MDGA2: variants seen among roughly 807,000 people sequenced by gnomAD.
MDGA2 encodes MAM domain containing glycosylphosphatidylinositol anchor 2, also known as MAM domain-containing glycosylphosphatidylinositol anchor protein 2.
MDGA2 carries 40 observed loss-of-function variants against 117.8 expected under a neutral mutation model. That is an observed-to-expected ratio of 0.34 (90% confidence interval 0.26 to 0.44). The LOEUF (loss-of-function observed/expected upper bound fraction) is 0.44. MDGA2 is among the 20% of genes least tolerant of loss of function. MDGA2 has a pLI of 1.00. For missense variants in MDGA2, 1,123 were observed against 1,250.6 expected, an observed-to-expected ratio of 0.90 and a Z score of 1.54; for synonymous variants, 452 against 439.0, an observed-to-expected ratio of 1.03 and a Z score of -0.37.
intron 1 of MDGA2, among the ~76,000 whole-genome samples, chr14:47,354,351 CTTG>C (rs1239852545): frequency 6.6e-6 from 1 of 152,100 alleles, no homozygotes; most frequent in Non-Finnish European, 1.5e-5. Context: ...ACATTGAGTT[CTTG>C]TTGTTTCAAA....
chr14:47,549,887 T>C (rs1409380432), intron 1 of MDGA2, among the ~76,000 whole-genome samples: 1 of 152,188 alleles, frequency 6.6e-6, no homozygotes, highest in African/African-American at 2.4e-5. Context: ...TGCACCCTGA[T>C]CTGCGACTTC....
chr14:47,111,849 T>C (rs1341706687), intron 5 of MDGA2, among the ~76,000 whole-genome samples: 1 of 152,118 alleles, frequency 6.6e-6, no homozygotes, highest in Non-Finnish European at 1.5e-5. Flanking sequence ...GTTTCAACTA[T>C]CACCCCAAAA....
chr14:47,292,764 T>C (rs144997251), intron 2 of MDGA2, among the ~76,000 whole-genome samples: 1 of 152,276 alleles, frequency 6.6e-6, no homozygotes, highest in East Asian at 1.9e-4. Flanking sequence ...TGATCTTCCA[T>C]TATAGCGGAA....
intron 2 of MDGA2, among the ~76,000 whole-genome samples, chr14:47,271,194 A>G (rs963225677): frequency 2.6e-5 from 4 of 152,156 alleles, no homozygotes; most frequent in African/African-American, 4.8e-5. Context: ...CTGCCTTTGC[A>G]TTAGTGCTGC....
At chr14:47,547,013 TA>T (rs1295437502) in intron 1 of MDGA2, among the ~76,000 whole-genome samples, 4 of 152,082 alleles carry the variant, frequency 2.6e-5, no homozygotes, top group Non-Finnish European at 5.9e-5. Flanking sequence ...AGTTGTTTTT[TA>T]AAAAAAATTA....
intron 1 of MDGA2, among the ~76,000 whole-genome samples, chr14:47,339,157 G>C (rs746316148): frequency 1.3e-4 from 20 of 151,984 alleles, no homozygotes; most frequent in Non-Finnish European, 2.6e-4. Flanking sequence ...CAAAGTACAA[G>C]GGTGTGTATG....
At chr14:47,075,379 C>A (rs927162809) in intron 6 of MDGA2, among the ~76,000 whole-genome samples, 13 of 152,170 alleles carry the variant, frequency 8.5e-5, no homozygotes, top group Non-Finnish European at 1.9e-4. Context: ...ATGGAAGATA[C>A]AACACCTGTA....
chr14:47,054,551 T>G (rs1415872090), intron 7 of MDGA2, among the ~76,000 whole-genome samples: 1 of 148,070 alleles, frequency 6.8e-6, no homozygotes, highest in Non-Finnish European at 1.5e-5. Context: ...CACCTATGAG[T>G]GAGAACATGA....
chr14:47,404,965 A>C (rs996284263), intron 1 of MDGA2, among the ~76,000 whole-genome samples: 2 of 152,180 alleles, frequency 1.3e-5, no homozygotes, highest in Non-Finnish European at 2.9e-5. Context: ...AATGATGAAA[A>C]ACTGCAGCTC....
intron 1 of MDGA2, among the ~76,000 whole-genome samples, chr14:47,553,961 ATTTTCGTCTGGG>A (rs1895636161): frequency 6.6e-6 from 1 of 152,068 alleles, no homozygotes; most frequent in Non-Finnish European, 1.5e-5. Flanking sequence ...AGTTCTATGT[ATTTTCGTCTGGG>A]TTTTGTTGTT....
At chr14:47,111,417 T>C (rs745751385) in intron 5 of MDGA2, among the ~76,000 whole-genome samples, 2 of 152,126 alleles carry the variant, frequency 1.3e-5, no homozygotes, top group Non-Finnish European at 2.9e-5. Context: ...GGAATAGCAT[T>C]GATGCCATCT....
At chr14:47,491,275 T>C (rs1403279850) in intron 1 of MDGA2, among the ~76,000 whole-genome samples, 1 of 152,082 alleles carries the variant, frequency 6.6e-6, no homozygotes, top group Non-Finnish European at 1.5e-5. Context: ...AGAGCACAAC[T>C]GGCCCTAAAA....
intron 1 of MDGA2, among the ~76,000 whole-genome samples, chr14:47,642,272 T>A (rs569708579): frequency 2.0e-5 from 3 of 152,118 alleles, no homozygotes; most frequent in Non-Finnish European, 2.9e-5. Flanking sequence ...TGGACTCTTA[T>A]GAGAATTAAC....
chr14:47,419,070 T>C (rs1450409877), intron 1 of MDGA2, among the ~76,000 whole-genome samples: 2 of 152,190 alleles, frequency 1.3e-5, no homozygotes, highest in African/African-American at 4.8e-5. Context: ...AGCACAACTC[T>C]GAGCAAGTCA....
chr14:46,964,343 T>C (rs980786899), intron 8 of MDGA2, among the ~76,000 whole-genome samples: 4 of 152,178 alleles, frequency 2.6e-5, no homozygotes, highest in African/African-American at 9.7e-5. Context: ...ATTGGAGTAG[T>C]TTGTTACATA....
At chr14:47,439,893 T>C (rs1836949436) in intron 1 of MDGA2, among the ~76,000 whole-genome samples, 1 of 151,948 alleles carries the variant, frequency 6.6e-6, no homozygotes, top group African/African-American at 2.4e-5. Flanking sequence ...GTTTCCACAA[T>C]TGTTGGTGCA....
At chr14:47,174,306 C>T (rs1171544224) in intron 3 of MDGA2, among the ~76,000 whole-genome samples, 1 of 152,192 alleles carries the variant, frequency 6.6e-6, no homozygotes, top group Non-Finnish European at 1.5e-5. Flanking sequence ...ACCTAATAGA[C>T]ATCTGCAGAA....
intron 2 of MDGA2, among the ~76,000 whole-genome samples, chr14:47,233,754 G>T (rs927489137): frequency 2.0e-5 from 3 of 152,218 alleles, no homozygotes; most frequent in African/African-American, 7.2e-5. Flanking sequence ...GCAAAGTATT[G>T]ACCTGATAGT....
intron 1 of MDGA2, among the ~76,000 whole-genome samples, chr14:47,482,090 G>T (rs1893965894): frequency 1.3e-5 from 2 of 151,888 alleles, no homozygotes; most frequent in Non-Finnish European, 2.9e-5. Context: ...ATTTATCATG[G>T]GTTGACAACA....
Sources: gnomAD v4.1 joint callset for allele counts (sites outside exome capture counted in the v4.1 genomes callset) on GRCh38, gnomAD v4.1.1 for gene constraint, MANE v1.5 for transcripts, NCBI Gene and HGNC (gene_info 2026-07-23, HGNC 2026-07-21) for gene names.